The following LNX2 variants were observed in gnomAD, a reference collection of about 807,000 sequenced individuals.
LNX2 encodes ligand of numb-protein X 2.
Under a neutral mutation model 66.2 loss-of-function variants are expected in LNX2, and 35 were observed. That is an observed-to-expected ratio of 0.53 (90% confidence interval 0.40 to 0.70). The LOEUF is 0.70. Ranked by LOEUF, LNX2 falls within the 30% of genes least tolerant of loss-of-function variation. LNX2 has a pLI of 0.00. For missense variants in LNX2, 791 were observed against 850.8 expected, an observed-to-expected ratio of 0.93 and a Z score of 0.87; for synonymous variants, 337 against 315.6, an observed-to-expected ratio of 1.07 and a Z score of -0.72.
chr13:27,564,780 C>T (rs1481706854), intron 4 of LNX2, among the ~76,000 whole-genome samples: 1 of 152,116 alleles, frequency 6.6e-6, no homozygotes, highest in Non-Finnish European at 1.5e-5. Flanking sequence ...CAAATTGGCT[C>T]ACTGTGTTAT....
chr13:27,564,538 T>A (rs1031814795), intron 4 of LNX2, among the ~76,000 whole-genome samples: 2 of 152,134 alleles, frequency 1.3e-5, no homozygotes, highest in Non-Finnish European at 2.9e-5. Context: ...TCTTCAAAAC[T>A]GCTCAAAGAG....
chr13:27,548,769 A>G (rs900218308), intron 9 of LNX2, among the ~76,000 whole-genome samples: 5 of 152,236 alleles, frequency 3.3e-5, no homozygotes, highest in African/African-American at 1.2e-4. Context: ...TCTTTAAAAA[A>G]ATACCAAGTC....
At chr13:27,613,289 A>G (rs1955792311) in intron 1 of LNX2, among the ~76,000 whole-genome samples, 2 of 151,574 alleles carry the variant, frequency 1.3e-5, no homozygotes, top group Admixed American at 1.3e-4. Context: ...GGGGAGGGTG[A>G]GGTGGAACAG....
intron 2 of LNX2, among the ~76,000 whole-genome samples, chr13:27,578,964 A>T (rs1399109080): frequency 1.3e-5 from 2 of 152,204 alleles, no homozygotes; most frequent in African/African-American, 2.4e-5. Flanking sequence ...GAATAACTGA[A>T]ACACAGATCA....
chr13:27,610,352 C>A (rs1291035299), intron 1 of LNX2, among the ~76,000 whole-genome samples: 2 of 152,238 alleles, frequency 1.3e-5, no homozygotes, highest in East Asian at 3.8e-4. Context: ...AAACTGTATT[C>A]TAGCCCAATA....
intron 1 of LNX2, among the ~76,000 whole-genome samples, chr13:27,583,771 G>A (rs1230189265): frequency 6.6e-6 from 1 of 152,158 alleles, no homozygotes; most frequent in African/African-American, 2.4e-5. Flanking sequence ...GACAGAAGAG[G>A]TAGGGAGAGG....
At chr13:27,573,040 T>C (rs1955301732) in intron 2 of LNX2, among the ~76,000 whole-genome samples, 2 of 152,166 alleles carry the variant, frequency 1.3e-5, no homozygotes, top group African/African-American at 2.4e-5. Context: ...ATTTCTGAAG[T>C]GTGGAAATTA....
intron 1 of LNX2, among the ~76,000 whole-genome samples, chr13:27,585,954 G>A (rs1482500767): frequency 1.3e-5 from 2 of 149,244 alleles, no homozygotes; most frequent in South Asian, 2.1e-4. Context: ...TAGTAACAGC[G>A]GTCTATCTCA....
In LNX2 at chr13:27,581,676, A is replaced by G; in HGVS notation, c.28T>C (p.Ser10Pro). The G allele has an allele frequency of 6.2e-7, 1 of 1,608,934 alleles. No homozygotes were observed. The highest frequency in any genetic ancestry group is 8.5e-7 in the Non-Finnish European group (1 of 1,177,718). The change falls in exon 2 of 10, where the codon TCT (serine) becomes CCT (proline). Residue 10 changes from serine to proline, a missense_variant. Physicochemically the swap from Ser to Pro is moderately conservative, Grantham distance 74. Coordinates refer to ENST00000316334, the MANE Select transcript of LNX2 (RefSeq NM_153371.4). Reference protein sequence around the residue: MGTTSDEMVSVEQTSSSSLN... With the variant: MGTTSDEMVPVEQTSSSSLN... ...GAAGAGGAGGAGGTCTGTTCCACAGACACCATCTCATCACTTGTTGTTCCC... is the reference window on the plus strand; with the variant it reads ...GAAGAGGAGGAGGTCTGTTCCACAGGCACCATCTCATCACTTGTTGTTCCC...
At chr13:27,579,425 T>C (rs796212458) in intron 2 of LNX2, among the ~76,000 whole-genome samples, 4 of 152,296 alleles carry the variant, frequency 2.6e-5, no homozygotes, top group African/African-American at 9.6e-5. Flanking sequence ...CTAAGATACT[T>C]TAGAAATGAT....
At chr13:27,565,506 G>A (rs773177251) in intron 4 of LNX2, among the ~76,000 whole-genome samples, 1 of 152,140 alleles carries the variant, frequency 6.6e-6, no homozygotes, top group Non-Finnish European at 1.5e-5. Context: ...GTCGCTCTCT[G>A]CAAAATCAAG....
At chr13:27,553,478 C>CT in intron 7 of LNX2, 39 bp from the exon 8 acceptor site, 1 of 1,527,918 alleles carries the variant, frequency 6.5e-7, no homozygotes, top group Non-Finnish European at 9.1e-7. Flanking sequence ...AGCTGAGCCA[C>CT]TGAGTTTTCA....
At chr13:27,560,208 C>G (rs1210387137) in intron 5 of LNX2, among the ~76,000 whole-genome samples, 3 of 152,130 alleles carry the variant, frequency 2.0e-5, no homozygotes, top group Non-Finnish European at 2.9e-5. Context: ...CTTGGGCATG[C>G]CGTCTGCAAC....
At chr13:27,574,260 T>C (rs910190884) in intron 2 of LNX2, among the ~76,000 whole-genome samples, 10 of 152,106 alleles carry the variant, frequency 6.6e-5, no homozygotes, top group African/African-American at 2.4e-4. Flanking sequence ...GCCTGAACAA[T>C]ATGGTGAAAC....
At chr13:27,612,263 G>T (rs1010331764) in intron 1 of LNX2, among the ~76,000 whole-genome samples, 2 of 152,200 alleles carry the variant, frequency 1.3e-5, no homozygotes, top group African/African-American at 4.8e-5. Context: ...AGACCCATAT[G>T]ATCAGGCCAT....
At chr13:27,572,862 C>T (rs904642116) in intron 2 of LNX2, among the ~76,000 whole-genome samples, 1 of 152,060 alleles carries the variant, frequency 6.6e-6, no homozygotes, top group African/African-American at 2.4e-5. Flanking sequence ...TTTAATGACA[C>T]TGAAAGAATG....
chr13:27,579,971 A>AC (rs1204359765), intron 2 of LNX2, among the ~76,000 whole-genome samples: 1 of 152,140 alleles, frequency 6.6e-6, no homozygotes, highest in Non-Finnish European at 1.5e-5. Context: ...ACTCTATCTT[A>AC]CCTCCTAGTT....
intron 1 of LNX2, among the ~76,000 whole-genome samples, chr13:27,583,205 T>C (rs369285305): frequency 0.18 from 3,936 of 21,830 alleles, 673 homozygotes; most frequent in African/African-American, 0.42. Flanking sequence ...TGTGTGTGTG[T>C]GTGTGTGTGT....
At position 27,548,130 on chromosome 13, in the gene LNX2, T is replaced by C. The variant is rs573735334; in HGVS notation, c.*205A>G. 3.7e-6 allele frequency: 2 copies of C among 540,574 alleles called. No individual in the cohort carries two copies. The highest frequency in any genetic ancestry group is 5.0e-5 in the South Asian group (2 of 40,188). 33.5% of individuals were successfully genotyped at this position (540,574 alleles called of 1,614,324 possible). On this transcript the variant is annotated 3_prime_UTR_variant, in exon 10 of 10. Coordinates refer to ENST00000316334, the MANE Select transcript of LNX2 (RefSeq NM_153371.4). ...GAAAATATAAACTCACAAAGGTTAG[T>C]GGAAGACTGTTTCCAAGCTAAAAGA... is the stretch of plus-strand genomic sequence containing the variant.
Sources: allele counts gnomAD v4.1 joint callset (sites outside exome capture counted in the v4.1 genomes callset), GRCh38; gene constraint gnomAD v4.1.1; transcripts MANE v1.5; gene names NCBI Gene and HGNC (gene_info 2026-07-23, HGNC 2026-07-21).